NLGN1: variants seen among roughly 807,000 people sequenced by gnomAD.
NLGN1 encodes neuroligin-1.
In NLGN1, 12 loss-of-function variants were observed where a neutral mutation model predicts 65.5. The observed-to-expected ratio is 0.18, with a 90% CI of 0.12 to 0.30. The LOEUF (loss-of-function observed/expected upper bound fraction) is 0.30, where lower values mean the gene tolerates loss of function less well. Ranked by LOEUF, NLGN1 falls within the 10% of genes least tolerant of loss-of-function variation. The pLI is 1.00. For missense variants in NLGN1, 750 were observed against 1,007.1 expected, an observed-to-expected ratio of 0.74 and a Z score of 3.46; for synonymous variants, 350 against 359.5, an observed-to-expected ratio of 0.97 and a Z score of 0.30.
At chr3:173,905,694 A>C (rs1434814459) in intron 4 of NLGN1, among the ~76,000 whole-genome samples, 1 of 152,202 alleles carries the variant, frequency 6.6e-6, no homozygotes, top group Non-Finnish European at 1.5e-5. Context: ...GTTTGGTAAA[A>C]ATAACAGAAG....
intron 3 of NLGN1, among the ~76,000 whole-genome samples, chr3:173,779,310 C>CTTATA (rs61399276): frequency 0.79 from 119,093 of 151,282 alleles, 47,719 homozygotes; most frequent in Non-Finnish European, 0.85. Context: ...TTATTTTCCT[C>CTTATA]TTAGATGTCT....
At chr3:173,756,292 A>G (rs1777109385) in intron 3 of NLGN1, among the ~76,000 whole-genome samples, 1 of 152,010 alleles carries the variant, frequency 6.6e-6, no homozygotes, top group African/African-American at 2.4e-5. Flanking sequence ...TTAATAGTAA[A>G]CATCAATATA....
chr3:173,526,582 A>G (rs929733972), intron 2 of NLGN1, among the ~76,000 whole-genome samples: 1 of 152,142 alleles, frequency 6.6e-6, no homozygotes, highest in African/African-American at 2.4e-5. Flanking sequence ...TGCTTCAAGC[A>G]TTTATCCTTT....
chr3:174,287,873 G>A (rs1200925073), downstream of NLGN1, among the ~76,000 whole-genome samples: 3 of 151,468 alleles, frequency 2.0e-5, no homozygotes, highest in Non-Finnish European at 4.4e-5. Context: ...GGTGCCTTGG[G>A]AATTGGCTTC....
rs533207907 is a variant in NLGN1 at position 173,691,108 on chromosome 3, G to A, written c.493+86017G>A. Among the ~76,000 whole-genome samples, 4 of 152,212 alleles carry A rather than the reference G, an allele frequency of 2.6e-5. No homozygotes were observed. In the East Asian group the frequency reaches 5.8e-4, roughly 22 times the overall value. On this transcript the variant is annotated intron_variant, in intron 3 of 6. Coordinates refer to ENST00000457714, the Ensembl canonical transcript of NLGN1. ...CTGAATTATATTCAAGGAATGATTG[G>A]TAGTCATTGTTGGCTTCTAAGAGGG...
intron 4 of NLGN1, among the ~76,000 whole-genome samples, chr3:174,179,456 T>G (rs1374926722): frequency 6.6e-6 from 1 of 152,142 alleles, no homozygotes; most frequent in Non-Finnish European, 1.5e-5. Flanking sequence ...CAGCTTCTGA[T>G]GTATACATAG....
At chr3:174,147,221 T>C (rs1297571480) in intron 4 of NLGN1, among the ~76,000 whole-genome samples, 2 of 151,990 alleles carry the variant, frequency 1.3e-5, no homozygotes, top group Non-Finnish European at 2.9e-5. Flanking sequence ...AAGGATGTCA[T>C]AGGTAGCGTC....
upstream of NLGN1, chr3:173,396,635 A>G (rs1189816496): frequency 6.6e-6 from 1 of 152,238 alleles, no homozygotes; most frequent in Non-Finnish European, 1.5e-5. Flanking sequence ...TTGGCTGCAC[A>G]CTAAGCACCA....
intron 4 of NLGN1, among the ~76,000 whole-genome samples, chr3:174,264,864 G>T (rs1464897543): frequency 6.6e-6 from 1 of 151,850 alleles, no homozygotes; most frequent in Non-Finnish European, 1.5e-5. Context: ...GGTTTTTGGT[G>T]TGGATGTCCT....
At chr3:173,512,231 T>C (rs1275576715) in intron 2 of NLGN1, among the ~76,000 whole-genome samples, 2 of 152,244 alleles carry the variant, frequency 1.3e-5, no homozygotes, top group Non-Finnish European at 2.9e-5. Flanking sequence ...GGGCAAAGTG[T>C]CAGTGTGACA....
chr3:173,483,429 G>GA (rs917511480), intron 2 of NLGN1, among the ~76,000 whole-genome samples: 10 of 151,872 alleles, frequency 6.6e-5, no homozygotes, highest in Non-Finnish European at 1.5e-4. Flanking sequence ...GCATTAATTG[G>GA]AAAATCCACA....
intron 3 of NLGN1, among the ~76,000 whole-genome samples, chr3:173,722,243 T>TC (rs200496189): frequency 0.014 from 380 of 27,928 alleles, 3 homozygotes; most frequent in African/African-American, 0.046. Flanking sequence ...TTCTTCTTCT[T>TC]TTTTTTTTTT....
chr3:173,780,724 G>A (rs559571883), intron 3 of NLGN1, among the ~76,000 whole-genome samples: 2 of 152,306 alleles, frequency 1.3e-5, no homozygotes, highest in African/African-American at 2.4e-5. Flanking sequence ...AGTAATCTGA[G>A]AGAAGCAGAC....
At chr3:173,950,348 G>A (rs1362859144) in intron 4 of NLGN1, among the ~76,000 whole-genome samples, 3 of 152,116 alleles carry the variant, frequency 2.0e-5, no homozygotes, top group Non-Finnish European at 2.9e-5. Flanking sequence ...AAAAAATATG[G>A]TATCAGATGC....
rs777574185 is a variant in NLGN1, at chr3:174,275,338, G to A, written c.670G>A (p.Ala224Thr). 1.9e-6 allele frequency: 3 copies of A among 1,612,346 alleles called. No individual in the cohort carries two copies. Among genetic ancestry groups the A allele is most frequent in the Non-Finnish European group, 2.5e-6 (3 of 1,178,844 alleles). ...AGGTTTCTTGAGTACAGGCGATCAG[G>A]CTGCAAAGGGGAACTATGGACTCCT... The change falls in exon 5 of 7, where the codon GCT becomes ACT. Residue 224 changes from alanine (A) to threonine (T), a missense_variant. Transcript: ENST00000457714.
chr3:174,236,096 G>A (rs966474600), intron 4 of NLGN1, among the ~76,000 whole-genome samples: 9 of 152,160 alleles, frequency 5.9e-5, no homozygotes, highest in South Asian at 4.1e-4. Flanking sequence ...TCAATAAGTC[G>A]TGATCAAATG....
At chr3:173,518,702 C>T (rs1027587249) in intron 2 of NLGN1, among the ~76,000 whole-genome samples, 1 of 151,686 alleles carries the variant, frequency 6.6e-6, no homozygotes, top group Non-Finnish European at 1.5e-5. Context: ...TATGTGTGAG[C>T]AAAGAAATAA....
chr3:173,818,420 G>T (rs1366740444), intron 4 of NLGN1, among the ~76,000 whole-genome samples: 1 of 151,948 alleles, frequency 6.6e-6, no homozygotes, highest in African/African-American at 2.4e-5. Context: ...TAAATATTTT[G>T]TAAGACAGAT....
chr3:173,681,693 A>G (rs555750968), intron 3 of NLGN1, among the ~76,000 whole-genome samples: 1 of 152,258 alleles, frequency 6.6e-6, no homozygotes, highest in African/African-American at 2.4e-5. Flanking sequence ...CTTACTAGGT[A>G]TACAATTGGG....
Sources: gnomAD v4.1 joint callset for allele counts (sites outside exome capture counted in the v4.1 genomes callset) on GRCh38, gnomAD v4.1.1 for gene constraint, MANE v1.5 for transcripts, NCBI Gene and HGNC (gene_info 2026-07-23, HGNC 2026-07-21) for gene names.